The following MAGI2 variants were observed in gnomAD, a reference collection of about 807,000 sequenced individuals.
MAGI2 encodes membrane associated guanylate kinase, WW and PDZ domain containing 2.
In MAGI2, 35 loss-of-function variants were observed where a neutral mutation model predicts 133.3. The observed-to-expected ratio is 0.26, with a 90% CI of 0.20 to 0.35. MAGI2 has a LOEUF of 0.35. Ranked by LOEUF, MAGI2 falls within the 10% of genes least tolerant of loss-of-function variation. The pLI is 1.00. For missense variants in MAGI2, 1,636 were observed against 1,863.4 expected (o/e 0.88, Z 2.25); for synonymous variants, 729 against 710.6 (o/e 1.03, Z -0.41).
rs142133718 is a variant in MAGI2 at position 78,666,682 on chromosome 7, C to A, written c.419-39443G>T. Among the ~76,000 whole-genome samples, 436 of 152,274 alleles carry A rather than the reference C, an allele frequency of 2.9e-3. 4 individuals carry two copies. Among genetic ancestry groups the A allele is most frequent in the African/African-American group, 9.6e-3 (401 of 41,566 alleles). ...AGGGATCATCCAAAGTATGAGGGAA[C>A]TTTTCACAGACTTTTATGAATAATA... On this transcript the variant is annotated intron_variant, in intron 2 of 21. Transcript: ENST00000354212.
At chr7:79,030,248 A>T (rs1810435045) in intron 1 of MAGI2, 1 of 152,212 alleles carries the variant, frequency 6.6e-6, no homozygotes, top group African/African-American at 2.4e-5. Flanking sequence ...CTGTGTTCAC[A>T]TAGGCAGCAC....
intron 2 of MAGI2, among the ~76,000 whole-genome samples, chr7:78,724,780 CCTAA>C (rs72383379): frequency 0.068 from 10,397 of 152,178 alleles, 419 homozygotes; most frequent in African/African-American, 0.091. Flanking sequence ...GGCTAGACCA[CCTAA>C]CTTTTGAGTT....
At chr7:78,884,196 G>A (rs1279051666) in intron 2 of MAGI2, among the ~76,000 whole-genome samples, 1 of 152,158 alleles carries the variant, frequency 6.6e-6, no homozygotes, top group Non-Finnish European at 1.5e-5. Context: ...TGGGTAATGA[G>A]GCTAGGCACT....
At chr7:78,944,180 T>G (rs1221351618) in intron 2 of MAGI2, among the ~76,000 whole-genome samples, 1 of 152,156 alleles carries the variant, frequency 6.6e-6, no homozygotes, top group African/African-American at 2.4e-5. Flanking sequence ...TAATTCATTT[T>G]CTCACCTACA....
At chr7:79,217,591 G>A (rs1830117059) in intron 1 of MAGI2, among the ~76,000 whole-genome samples, 1 of 152,036 alleles carries the variant, frequency 6.6e-6, no homozygotes. Context: ...ATGAGCAGGA[G>A]AGTTGGAATG....
At chr7:78,834,380 G>A (rs1584081896) in intron 2 of MAGI2, among the ~76,000 whole-genome samples, 1 of 152,194 alleles carries the variant, frequency 6.6e-6, no homozygotes, top group East Asian at 1.9e-4. Context: ...TTAGTTCTAT[G>A]CAACTACTAA....
At chr7:79,191,419 T>C (rs964228228) in intron 1 of MAGI2, among the ~76,000 whole-genome samples, 4 of 115,316 alleles carry the variant, frequency 3.5e-5, no homozygotes, top group African/African-American at 1.4e-4. Flanking sequence ...TTTTTTTTTT[T>C]TTTTTTTTTT....
chr7:78,799,969 C>T (rs1458107511), intron 2 of MAGI2, among the ~76,000 whole-genome samples: 2 of 152,122 alleles, frequency 1.3e-5, no homozygotes, highest in Non-Finnish European at 2.9e-5. Context: ...CCATTTAGAA[C>T]ACCTTAAAAT....
At chr7:79,184,982 T>A (rs1369834570) in intron 1 of MAGI2, among the ~76,000 whole-genome samples, 1 of 151,470 alleles carries the variant, frequency 6.6e-6, no homozygotes, top group Non-Finnish European at 1.5e-5. Flanking sequence ...CATGATCAAG[T>A]GACAAAATTT....
intron 1 of MAGI2, among the ~76,000 whole-genome samples, chr7:79,258,637 A>G (rs1446235889): frequency 6.6e-6 from 1 of 152,166 alleles, no homozygotes; most frequent in Non-Finnish European, 1.5e-5. Context: ...ATTTATTTTT[A>G]GAGATGGTGT....
chr7:78,964,036 A>G (rs1188109977), intron 2 of MAGI2, among the ~76,000 whole-genome samples: 2 of 151,964 alleles, frequency 1.3e-5, no homozygotes, highest in African/African-American at 4.8e-5. Context: ...TGCTTGTTTG[A>G]TAATTCCACT....
chr7:79,157,774 C>T (rs939985395), intron 1 of MAGI2, among the ~76,000 whole-genome samples: 4 of 150,008 alleles, frequency 2.7e-5, no homozygotes, highest in Admixed American at 1.3e-4. Context: ...TTCTTTTTCT[C>T]TATTTTCTTT....
intron 10 of MAGI2, among the ~76,000 whole-genome samples, chr7:78,235,290 T>G (rs776082302): frequency 5.9e-5 from 9 of 152,172 alleles, no homozygotes; most frequent in South Asian, 2.1e-4. Flanking sequence ...TAGTAAATTT[T>G]GGGCTGCATG....
chr7:79,239,100 T>C (rs568275218), intron 1 of MAGI2, among the ~76,000 whole-genome samples: 10 of 152,282 alleles, frequency 6.6e-5, no homozygotes, highest in Middle Eastern at 3.4e-3. Context: ...GCACACCATG[T>C]TTTTTAAAAT....
intron 2 of MAGI2, among the ~76,000 whole-genome samples, chr7:78,672,132 C>T (rs910547577): frequency 6.6e-6 from 1 of 152,124 alleles, no homozygotes; most frequent in African/African-American, 2.4e-5. Flanking sequence ...GGATGTTTGG[C>T]CCCTCCATAT....
intron 10 of MAGI2, among the ~76,000 whole-genome samples, chr7:78,241,862 A>T (rs1398201335): frequency 2.0e-5 from 3 of 151,592 alleles, no homozygotes; most frequent in African/African-American, 7.3e-5. Flanking sequence ...TGAACCCAGG[A>T]GGTGGAGGCT....
At chr7:78,529,668 GTTTTTTTTTTTTTTTTTTTT>G (rs554010061) in intron 3 of MAGI2, among the ~76,000 whole-genome samples, 6 of 57,384 alleles carry the variant, frequency 1.0e-4, no homozygotes, top group Admixed American at 2.9e-4. Flanking sequence ...AAAGGAGATG[GTTTTTTTTTTTTTTTTTTTT>G]TTTTTTTTTT....
intron 9 of MAGI2, among the ~76,000 whole-genome samples, chr7:78,290,581 C>G (rs747142431): frequency 2.6e-5 from 4 of 152,138 alleles, no homozygotes; most frequent in Admixed American, 6.6e-5. Context: ...CTCAGCTCTG[C>G]ACCAAGCAGA....
intron 4 of MAGI2, among the ~76,000 whole-genome samples, chr7:78,504,296 C>A (rs1044721764): frequency 5.3e-5 from 8 of 152,132 alleles, no homozygotes; most frequent in Middle Eastern, 3.4e-3. Context: ...AAGGTGTAGG[C>A]TTAATTGTAT....
Sources: gnomAD v4.1 joint callset for allele counts (sites outside exome capture counted in the v4.1 genomes callset) on GRCh38, gnomAD v4.1.1 for gene constraint, MANE v1.5 for transcripts, NCBI Gene and HGNC (gene_info 2026-07-23, HGNC 2026-07-21) for gene names.